The following CACNA1E variants were observed in gnomAD, a reference collection of about 807,000 sequenced individuals.
CACNA1E encodes calcium voltage-gated channel subunit alpha1 E.
CACNA1E carries 40 observed loss-of-function variants against 259.2 expected under a neutral mutation model. The observed-to-expected ratio is 0.15, with a 90% CI of 0.12 to 0.20. CACNA1E has a LOEUF of 0.20. Ranked by LOEUF, CACNA1E falls within the 10% of genes least tolerant of loss-of-function variation. The pLI is 1.00. For missense variants in CACNA1E, 1,874 were observed against 3,040.1 expected (o/e 0.62, Z 9.02); for synonymous variants, 1,104 against 1,138.5 (o/e 0.97, Z 0.61).
intron 1 of CACNA1E, among the ~76,000 whole-genome samples, chr1:181,356,931 AC>A (rs1296409360): frequency 2.0e-5 from 3 of 152,150 alleles, no homozygotes; most frequent in African/African-American, 7.2e-5. Context: ...TCTAAATATA[AC>A]CACGGCAGCA....
intron 6 of CACNA1E, among the ~76,000 whole-genome samples, chr1:181,626,183 A>C (rs530739854): frequency 5.1e-4 from 78 of 152,354 alleles, no homozygotes; most frequent in African/African-American, 1.8e-3. Flanking sequence ...AAAAATTTTG[A>C]AATATTGCAA....
At position 181,776,236 on chromosome 1, in the gene CACNA1E, G is replaced by C. The variant is rs1460044545; in HGVS notation, c.5267+8G>C. 16 of 1,613,788 alleles carry C rather than the reference G, an allele frequency of 9.9e-6. No homozygotes were observed. Among genetic ancestry groups the C allele is most frequent in the Non-Finnish European group, 1.3e-5 (15 of 1,179,784 alleles). On this transcript the variant is annotated splice_region_variant and intron_variant, in intron 38 of 47. Transcript: ENST00000367573. This position sits in a 1 kb window ranked among gnomAD's most constrained non-coding sequence, Gnocchi z 4.4. ...ATATGACCGAGCAGCATGGTGCGTA[G>C]GCCCCTCGGCCGCCCCAGCGGGGCC...
chr1:181,635,153 C>A (rs948570479), intron 6 of CACNA1E, among the ~76,000 whole-genome samples: 2 of 152,220 alleles, frequency 1.3e-5, no homozygotes, highest in Admixed American at 1.3e-4. Context: ...GGGGCCAGAG[C>A]CCAAGTGGGA....
chr1:181,558,909 T>C (rs1392920534), intron 3 of CACNA1E, among the ~76,000 whole-genome samples: 1 of 152,088 alleles, frequency 6.6e-6, no homozygotes, highest in Non-Finnish European at 1.5e-5. Flanking sequence ...GAGAAAAAGC[T>C]ATGGAGTTCC....
At chr1:181,722,338 C>A (rs547894905) in intron 16 of CACNA1E, among the ~76,000 whole-genome samples, 16 of 152,162 alleles carry the variant, frequency 1.1e-4, no homozygotes, top group Non-Finnish European at 1.6e-4. Context: ...TTGGGCTATA[C>A]GTGAGACCTT....
intron 7 of CACNA1E, 31 bp downstream of exon 7, chr1:181,651,472 A>C: frequency 3.4e-6 from 5 of 1,461,530 alleles, no homozygotes; most frequent in Non-Finnish European, 3.8e-6. Context: ...TTCTTAACTC[A>C]TTTGCTGACT....
chr1:181,391,055 C>T (rs1489389049), intron 1 of CACNA1E, among the ~76,000 whole-genome samples: 1 of 152,190 alleles, frequency 6.6e-6, no homozygotes, highest in Non-Finnish European at 1.5e-5. Context: ...TCCCCACATC[C>T]AATCTATCAC....
chr1:181,322,765 T>C (rs1650459633), intron 1 of CACNA1E, among the ~76,000 whole-genome samples: 2 of 152,236 alleles, frequency 1.3e-5, no homozygotes, highest in African/African-American at 4.8e-5. Context: ...CCTTTGTAAC[T>C]ATGTGGATGA....
intron 6 of CACNA1E, among the ~76,000 whole-genome samples, chr1:181,597,987 C>A (rs1412868775): frequency 1.3e-5 from 2 of 152,154 alleles, no homozygotes; most frequent in African/African-American, 4.8e-5. Context: ...GGTGGGGACA[C>A]AGCCAAACTA....
intron 3 of CACNA1E, among the ~76,000 whole-genome samples, chr1:181,576,476 T>C (rs1034017596): frequency 2.6e-5 from 4 of 152,350 alleles, no homozygotes; most frequent in African/African-American, 9.6e-5. Context: ...CCGAGGGCCA[T>C]AGGGCATGCA....
Position 181,471,478 on chromosome 1 carries a change from G to C in CACNA1E, c.435-12266G>C, listed in dbSNP as rs575227211. Among the ~76,000 whole-genome samples, 7 of 152,254 alleles carry C rather than the reference G, an allele frequency of 4.6e-5. No individual in the cohort carries two copies. In the South Asian group the frequency reaches 1.5e-3, roughly 32 times the overall value. Reference sequence around the variant, plus strand: ...AGATCAACGAGGCAACACATATATAGTGCTTCAGCCTTCCACAGATGTTGG... The same window carrying C: ...AGATCAACGAGGCAACACATATATACTGCTTCAGCCTTCCACAGATGTTGG... On this transcript the variant is annotated intron_variant, in intron 2 of 11. Coordinates refer to the CACNA1E transcript ENST00000524607.
chr1:181,492,744 C>A (rs1664422084), intron 1 of CACNA1E, among the ~76,000 whole-genome samples: 1 of 152,094 alleles, frequency 6.6e-6, no homozygotes, highest in Admixed American at 6.5e-5. Context: ...TCAGATGATA[C>A]CTTCCCCAAC....
chr1:181,593,294 A>T (rs1652839858), intron 6 of CACNA1E, among the ~76,000 whole-genome samples: 1 of 152,198 alleles, frequency 6.6e-6, no homozygotes, highest in Non-Finnish European at 1.5e-5. Flanking sequence ...GGGAGCATGT[A>T]AGACAAATTA....
At chr1:181,682,576 G>A (rs1049771448) in intron 7 of CACNA1E, among the ~76,000 whole-genome samples, 43 of 152,142 alleles carry the variant, frequency 2.8e-4, no homozygotes, top group African/African-American at 9.2e-4. Flanking sequence ...AAAAATACCC[G>A]AGACTGGGTA....
chr1:181,397,946 G>T (rs1292051562), intron 1 of CACNA1E, among the ~76,000 whole-genome samples: 1 of 152,234 alleles, frequency 6.6e-6, no homozygotes, highest in African/African-American at 2.4e-5. Context: ...TCGCCTTTTT[G>T]CAGAGACAGA....
intron 3 of CACNA1E, among the ~76,000 whole-genome samples, chr1:181,556,676 G>A (rs1648757398): frequency 6.6e-6 from 1 of 152,166 alleles, no homozygotes; most frequent in Non-Finnish European, 1.5e-5. Context: ...GAGGGTGCAT[G>A]GCCTCAGACC....
At chr1:181,753,518 T>C (rs1265760695) in intron 27 of CACNA1E, among the ~76,000 whole-genome samples, 1 of 152,186 alleles carries the variant, frequency 6.6e-6, no homozygotes, top group East Asian at 1.9e-4. Flanking sequence ...GAGGACACAT[T>C]GTAACTCATA....
At chr1:181,373,904 T>C (rs969747781) in intron 1 of CACNA1E, among the ~76,000 whole-genome samples, 1 of 152,216 alleles carries the variant, frequency 6.6e-6, no homozygotes, top group African/African-American at 2.4e-5. Flanking sequence ...TTTTTCTTTA[T>C]TAATGTAGCT....
intron 2 of CACNA1E, among the ~76,000 whole-genome samples, chr1:181,466,525 G>A (rs1357026275): frequency 2.6e-5 from 4 of 151,786 alleles, no homozygotes; most frequent in Admixed American, 1.3e-4. Context: ...TCCAGCTTGG[G>A]TGAAAGAGCG....
Sources: gnomAD v4.1 joint callset for allele counts (sites outside exome capture counted in the v4.1 genomes callset) on GRCh38, gnomAD v4.1.1 for gene constraint, Gnocchi (gnomAD v3.1) non-coding constraint, MANE v1.5 for transcripts, NCBI Gene and HGNC (gene_info 2026-07-23, HGNC 2026-07-21) for gene names.